Variants in TCF12 observed in about 807,000 individuals in gnomAD.
The protein encoded by TCF12 is transcription factor 12.
In TCF12, 45 loss-of-function variants were observed where a neutral mutation model predicts 86.0. The observed-to-expected ratio is 0.52, with a 90% CI of 0.41 to 0.67. TCF12 has a LOEUF of 0.67. Ranked by LOEUF, TCF12 falls within the 30% of genes least tolerant of loss-of-function variation. The pLI, the probability that TCF12 is intolerant of heterozygous loss-of-function variation, is 0.00. For synonymous variants in TCF12, 330 were observed against 299.6 expected, an observed-to-expected ratio of 1.10 and a Z score of -1.05; for missense variants, 881 against 859.9, an observed-to-expected ratio of 1.02 and a Z score of -0.31.
At chr15:56,919,122 C>G (rs989886431) in intron 1 of TCF12, 4 of 151,444 alleles carry the variant, frequency 2.6e-5, no homozygotes, top group Admixed American at 2.0e-4. Context: ...GCGGCGCGCT[C>G]GGCCTGTGCG....
Position 57,263,962 on chromosome 15 carries a change from C to T in TCF12, c.1745+688C>T, listed in dbSNP as rs571442706. On this transcript the variant is annotated intron_variant, in intron 18 of 20. Coordinates refer to ENST00000333725, the MANE Select transcript of TCF12 (RefSeq NM_207037.2). ...GCAGGTGGTGAGTGAATGTGAAGGC[C>T]TAGGACATTTCTGTACACTATTGTA... 3.3e-5 allele frequency among the ~76,000 whole-genome samples: 5 copies of T among 152,136 alleles called. No homozygotes were observed. The East Asian group carries it at 9.7e-4, about 29-fold the overall frequency.
intron 3 of TCF12, among the ~76,000 whole-genome samples, chr15:56,950,740 A>T (rs1402648143): frequency 9.3e-6 from 1 of 107,034 alleles, no homozygotes; most frequent in Non-Finnish European, 1.8e-5. Flanking sequence ...AGCTATTATG[A>T]CCATGTTTTT....
rs35516503 is a variant in TCF12, at chr15:57,170,660, A to AAT, written c.390+4208_390+4209dup. Among the ~76,000 whole-genome samples the AAT allele has an allele frequency of 1.2e-3, 65 of 53,972 alleles. 1 individual carries two copies. The highest frequency in any genetic ancestry group is 3.6e-3 in the South Asian group (8 of 2,228). The allele number at this position is 53,972 out of a possible 152,430, so 35.4% of individuals were successfully genotyped here. On this transcript the variant is annotated intron_variant, in intron 6 of 20. Transcript: ENST00000333725. The stretch of plus-strand genomic sequence containing the variant: ...TATATATAATATATATATTATATAA[A>AAT]ATATATATATATATAATATATTATA...
intron 4 of TCF12, among the ~76,000 whole-genome samples, chr15:57,074,752 T>C (rs369566489): frequency 2.0e-5 from 3 of 152,232 alleles, no homozygotes; most frequent in South Asian, 4.1e-4. Flanking sequence ...CACATTCTTA[T>C]GAATGTAAAT....
At chr15:56,954,793 G>A (rs2061429235) in intron 3 of TCF12, among the ~76,000 whole-genome samples, 1 of 152,164 alleles carries the variant, frequency 6.6e-6, no homozygotes, top group South Asian at 2.1e-4. Flanking sequence ...TAAGATATCT[G>A]TGCAGCTAAC....
chr15:57,042,334 CAG>C (rs1305451049), intron 3 of TCF12, among the ~76,000 whole-genome samples: 1 of 152,066 alleles, frequency 6.6e-6, no homozygotes, highest in Non-Finnish European at 1.5e-5. Flanking sequence ...GGATCGAAAA[CAG>C]AGTGTTCTTA....
intron 5 of TCF12, among the ~76,000 whole-genome samples, 195 bp from the exon 6 acceptor site, chr15:57,166,207 A>G (rs1209131456): frequency 6.6e-6 from 1 of 152,210 alleles, no homozygotes; most frequent in Non-Finnish European, 1.5e-5. Context: ...GTGAGTCACT[A>G]CATCCTGCCC....
intron 3 of TCF12, among the ~76,000 whole-genome samples, chr15:56,936,422 C>T (rs370832708): frequency 4.1e-4 from 63 of 152,126 alleles, no homozygotes; most frequent in African/African-American, 1.4e-3. Context: ...TTCTTGCACT[C>T]TGTGTGTTGT....
At chr15:57,239,837 G>A (rs543272205) in intron 12 of TCF12, among the ~76,000 whole-genome samples, 1 of 152,200 alleles carries the variant, frequency 6.6e-6, no homozygotes, top group Admixed American at 6.5e-5. Flanking sequence ...TTGGGGTGGT[G>A]ATAAAAAATT....
At chr15:57,190,181 G>T (rs2056908038) in intron 6 of TCF12, among the ~76,000 whole-genome samples, 1 of 152,154 alleles carries the variant, frequency 6.6e-6, no homozygotes, top group South Asian at 2.1e-4. Context: ...CATTTTGAAT[G>T]TACTAAATGC....
At chr15:57,283,740 TG>T (rs1323601000) in intron 20 of TCF12, among the ~76,000 whole-genome samples, 1 of 152,240 alleles carries the variant, frequency 6.6e-6, no homozygotes, top group African/African-American at 2.4e-5. Flanking sequence ...ACTGAAAGTC[TG>T]GAATTTGATA....
At chr15:57,247,657 AC>A (rs1376251077) in intron 13 of TCF12, 1 of 769,274 alleles carries the variant, frequency 1.3e-6, no homozygotes. Context: ...CTTTAATACC[AC>A]CAACAAAAAT....
intron 1 of TCF12, 171 bp from the exon 2 acceptor site, chr15:56,919,721 C>A: frequency 2.0e-6 from 1 of 500,800 alleles, no homozygotes; most frequent in Non-Finnish European, 3.5e-6. Context: ...CCGGCGCGGG[C>A]ACTGAGCCCT....
At chr15:57,272,470 T>C (rs1218388127) in intron 18 of TCF12, among the ~76,000 whole-genome samples, 1 of 152,254 alleles carries the variant, frequency 6.6e-6, no homozygotes, top group Non-Finnish European at 1.5e-5. Flanking sequence ...TATCTTAAGC[T>C]TTCCTTCTTT....
intron 4 of TCF12, among the ~76,000 whole-genome samples, chr15:57,075,524 G>T (rs1229697449): frequency 1.3e-5 from 2 of 152,112 alleles, no homozygotes; most frequent in South Asian, 4.1e-4. Context: ...GAAAAACAGA[G>T]ATTATTGTAC....
intron 3 of TCF12, among the ~76,000 whole-genome samples, chr15:56,983,482 A>T (rs1488815476): frequency 6.6e-6 from 1 of 152,140 alleles, no homozygotes; most frequent in African/African-American, 2.4e-5. Context: ...TTGAAATTGG[A>T]TTTGCCTTGG....
intron 6 of TCF12, among the ~76,000 whole-genome samples, chr15:57,170,969 G>C (rs950964868): frequency 1.3e-5 from 2 of 149,452 alleles, no homozygotes; most frequent in East Asian, 4.0e-4. Flanking sequence ...CAAATGTCCA[G>C]GTGATTTTGA....
intron 8 of TCF12, among the ~76,000 whole-genome samples, chr15:57,223,962 A>G (rs147238237): frequency 6.5e-4 from 99 of 152,138 alleles, no homozygotes; most frequent in African/African-American, 2.1e-3. Context: ...TGCTAAAGAC[A>G]TTGAATGACA....
chr15:57,135,962 T>TA (rs1277365168), intron 5 of TCF12, among the ~76,000 whole-genome samples: 144 of 151,838 alleles, frequency 9.5e-4, no homozygotes, highest in African/African-American at 3.2e-3. Flanking sequence ...CTTGTAATGC[T>TA]AAAAAAAACT....
Sources: allele counts gnomAD v4.1 joint callset (sites outside exome capture counted in the v4.1 genomes callset), GRCh38; gene constraint gnomAD v4.1.1; transcripts MANE v1.5; gene names NCBI Gene and HGNC (gene_info 2026-07-23, HGNC 2026-07-21).